Variants in ITCH observed in about 807,000 individuals in gnomAD.
ITCH encodes itchy E3 ubiquitin protein ligase.
A neutral mutation model predicts 126.8 loss-of-function variants in ITCH; 28 were observed. The observed-to-expected ratio is 0.22, with a 90% CI of 0.16 to 0.30. The LOEUF (loss-of-function observed/expected upper bound fraction) is 0.30. ITCH is among the 10% of genes least tolerant of loss of function. The pLI is 1.00. For synonymous variants in ITCH, 342 were observed against 340.0 expected (o/e 1.01, Z -0.06); for missense variants, 631 against 1,032.4 (o/e 0.61, Z 5.33).
At chr20:34,410,425 G>C (rs1021145985) in intron 4 of ITCH, among the ~76,000 whole-genome samples, 6 of 151,726 alleles carry the variant, frequency 4.0e-5, no homozygotes, top group Admixed American at 2.0e-4. Context: ...CTTGAGGCCC[G>C]TATCATTCGG....
intron 12 of ITCH, 78 bp downstream of exon 12, chr20:34,449,558 T>C (rs1321986436): frequency 1.0e-6 from 1 of 970,926 alleles, no homozygotes; most frequent in Non-Finnish European, 1.7e-6. Context: ...TTAAAACAGA[T>C]ATTTATGTCT....
intron 3 of ITCH, chr20:34,401,715 A>T (rs1236279558): frequency 1.8e-6 from 1 of 555,084 alleles, no homozygotes; most frequent in Non-Finnish European, 2.3e-6. Context: ...TAATGAATTA[A>T]AAAAAAAAAA....
At chr20:34,382,076 G>GT (rs1453057843) in intron 2 of ITCH, among the ~76,000 whole-genome samples, 2 of 152,064 alleles carry the variant, frequency 1.3e-5, no homozygotes, top group Admixed American at 6.6e-5. Flanking sequence ...TTTCTATTCT[G>GT]TTTCTTTTTG....
intron 20 of ITCH, among the ~76,000 whole-genome samples, chr20:34,484,087 A>G (rs1385546334): frequency 1.3e-5 from 2 of 152,208 alleles, no homozygotes; most frequent in African/African-American, 4.8e-5. Context: ...GTTCTCTCCC[A>G]TAACACATAG....
rs140817562 is a variant in ITCH, at chr20:34,432,943, C to T, written c.522-5531C>T. The stretch of plus-strand genomic sequence containing the variant: ...CTGCGTTCCAGGCTGGGTGACAGAG[C>T]GAGAATCTGTCTCAGAAACCAAAAA... On this transcript the variant is annotated intron_variant, in intron 7 of 24. Transcript: ENST00000374864. Among the ~76,000 whole-genome samples the T allele has an allele frequency of 2.9e-3, 444 of 150,976 alleles. 2 individuals are homozygous for T. The highest frequency in any genetic ancestry group is 7.1e-3 in the Middle Eastern group (2 of 282).
intron 2 of ITCH, among the ~76,000 whole-genome samples, chr20:34,388,776 G>T (rs553946920): frequency 6.6e-6 from 1 of 152,254 alleles, no homozygotes; most frequent in Admixed American, 6.5e-5. Flanking sequence ...AGCACTAATA[G>T]CCTATTCAAA....
chr20:34,502,409 A>T (rs989774994), intron 23 of ITCH, among the ~76,000 whole-genome samples: 3 of 151,706 alleles, frequency 2.0e-5, no homozygotes, highest in African/African-American at 4.8e-5. Context: ...AAAAAAAAAA[A>T]TTTATAAAAA....
intron 2 of ITCH, among the ~76,000 whole-genome samples, chr20:34,373,203 A>C (rs2037705828): frequency 6.6e-6 from 1 of 151,470 alleles, no homozygotes; most frequent in South Asian, 2.1e-4. Flanking sequence ...TGAACTCCTG[A>C]CCTCAAATAA....
chr20:34,449,811 T>C (rs1311033638), intron 12 of ITCH, among the ~76,000 whole-genome samples: 1 of 152,144 alleles, frequency 6.6e-6, no homozygotes. Flanking sequence ...ATTTGCTTGA[T>C]GAAGAAAGTC....
chr20:34,481,460 A>G (rs1371041696), intron 20 of ITCH, among the ~76,000 whole-genome samples: 19 of 152,214 alleles, frequency 1.2e-4, no homozygotes, highest in Admixed American at 1.2e-3. Flanking sequence ...ATAACATGTC[A>G]TTAAAAAGAA....
intron 2 of ITCH, among the ~76,000 whole-genome samples, chr20:34,377,727 T>G (rs2037900991): frequency 6.6e-6 from 1 of 151,986 alleles, no homozygotes; most frequent in Admixed American, 6.6e-5. Flanking sequence ...TAGTTGGGCA[T>G]GGTGGCGTGT....
intron 7 of ITCH, among the ~76,000 whole-genome samples, chr20:34,436,312 C>T (rs1982996387): frequency 6.6e-6 from 1 of 152,164 alleles, no homozygotes; most frequent in Non-Finnish European, 1.5e-5. Context: ...TCACATAACT[C>T]ATCAGTAGCA....
intron 10 of ITCH, 25 bp from the exon 11 acceptor site, chr20:34,445,262 T>C: frequency 7.0e-7 from 1 of 1,430,870 alleles, no homozygotes; most frequent in Admixed American, 1.9e-5. Flanking sequence ...ATTAGCTTGT[T>C]TTTTTTTTTT....
intron 7 of ITCH, among the ~76,000 whole-genome samples, chr20:34,425,422 G>A (rs1274250850): frequency 2.6e-5 from 4 of 152,146 alleles, no homozygotes; most frequent in Admixed American, 6.5e-5. Flanking sequence ...CACCTGTGAA[G>A]GGTCTGTGCT....
intron 23 of ITCH, among the ~76,000 whole-genome samples, chr20:34,502,886 G>T (rs1036966949): frequency 2.0e-5 from 3 of 151,820 alleles, no homozygotes; most frequent in Non-Finnish European, 4.4e-5. Context: ...GGGTGTGGTG[G>T]TGCACATCTG....
rs1328111645 is a variant in ITCH, at chr20:34,438,634, T to C, written c.679+3T>C. On this transcript the variant is annotated splice_donor_region_variant and intron_variant, in intron 8 of 24. Coordinates refer to ENST00000374864, the MANE Select transcript of ITCH (RefSeq NM_031483.7). Reference sequence around the variant, plus strand: ...ACCACCCACCCCACGTAGACCAGGTTTGTATTCCAGCTCTCAATACTCTTG... The same window carrying C: ...ACCACCCACCCCACGTAGACCAGGTCTGTATTCCAGCTCTCAATACTCTTG... The C allele has an allele frequency of 6.2e-7, 1 of 1,613,832 alleles. No homozygotes were observed.
At chr20:34,445,694 CA>C (rs1984371058) in intron 11 of ITCH, among the ~76,000 whole-genome samples, 1 of 151,838 alleles carries the variant, frequency 6.6e-6, no homozygotes, top group South Asian at 2.1e-4. Context: ...CAAAAATAAG[CA>C]AAAAATAAGT....
At chr20:34,422,580 TTACC>T (rs1489654374) in intron 6 of ITCH, among the ~76,000 whole-genome samples, 1 of 152,174 alleles carries the variant, frequency 6.6e-6, no homozygotes, top group African/African-American at 2.4e-5. Context: ...CATTTTTTTT[TTACC>T]ACATTAACAT....
intron 2 of ITCH, among the ~76,000 whole-genome samples, chr20:34,385,209 G>T (rs1483068970): frequency 7.1e-6 from 1 of 141,300 alleles, no homozygotes; most frequent in African/African-American, 2.7e-5. Flanking sequence ...GTGTGTGTGT[G>T]TGTGTGTGTG....
Sources: gnomAD v4.1 joint callset for allele counts (sites outside exome capture counted in the v4.1 genomes callset) on GRCh38, gnomAD v4.1.1 for gene constraint, MANE v1.5 for transcripts, NCBI Gene and HGNC (gene_info 2026-07-23, HGNC 2026-07-21) for gene names.